Variants in DMD observed in about 807,000 individuals in gnomAD.
DMD encodes the protein dystrophin.
DMD carries 63 observed loss-of-function variants against 330.1 expected under a neutral mutation model. That is an observed-to-expected ratio of 0.19 (90% confidence interval 0.16 to 0.24). The LOEUF is 0.24. DMD is among the 10% of genes least tolerant of loss of function. The probability of loss-of-function intolerance (pLI) is 1.00; values close to 1 mark genes in which losing one functional copy is unlikely to be tolerated. For missense variants in DMD, 3,344 were observed against 2,684.1 expected, an observed-to-expected ratio of 1.25 and a Z score of -5.43; for synonymous variants, 1,223 against 959.8, an observed-to-expected ratio of 1.27 and a Z score of -5.07.
intron 1 of DMD, among the ~76,000 whole-genome samples, chrX:33,105,316 A>G (rs1216476248): frequency 1.8e-5 from 2 of 111,824 alleles, no homozygotes; most frequent in Non-Finnish European, 3.8e-5. Flanking sequence ...ACCTGAAACC[A>G]TAAAACTCCT....
chrX:31,635,778 C>A (rs1417303280), intron 54 of DMD, among the ~76,000 whole-genome samples: 1 of 110,994 alleles, frequency 9.0e-6, no homozygotes, highest in Admixed American at 9.7e-5. Flanking sequence ...TTGAAAGGGC[C>A]CTTTTAGCAA....
chrX:32,621,614 C>G (rs554270078), intron 11 of DMD, among the ~76,000 whole-genome samples: 2 of 110,153 alleles, frequency 1.8e-5, no homozygotes, highest in Non-Finnish European at 3.8e-5. Context: ...CGCGAGTCCC[C>G]GAACCCAGCC....
intron 46 of DMD, 142 bp from the exon 47 acceptor site, chrX:31,929,887 T>C: frequency 1.5e-6 from 1 of 665,150 alleles, no homozygotes; most frequent in Admixed American, 2.6e-5. Flanking sequence ...AACAGTTTTC[T>C]ATCTGAGCAC....
chrX:32,518,188 A>G, intron 17 of DMD, 57 bp from the exon 18 acceptor site: 1 of 1,094,661 alleles, frequency 9.1e-7, no homozygotes, highest in East Asian at 3.1e-5. Flanking sequence ...CTTCTATATT[A>G]AAAAAAGCAA....
Position 32,969,750 on chromosome X carries a change from A to G in DMD, c.93+50389T>C, listed in dbSNP as rs188211002. Among the ~76,000 whole-genome samples the G allele has an allele frequency of 7.4e-5, 7 of 94,635 alleles. 1 individual carries two copies. The highest frequency in any genetic ancestry group is 2.4e-4 in the African/African-American group (5 of 20,995). The allele number at this position is 94,635 out of a possible 115,157, so 82.2% of individuals were successfully genotyped here. A position where few individuals can be genotyped will look rare whatever the true frequency, so the allele number is the denominator to read the frequency against. On this transcript the variant is annotated intron_variant, in intron 2 of 78. Coordinates refer to ENST00000357033, the MANE Select transcript of DMD (RefSeq NM_004006.3). ...TACTTTTGTGCAATTAATACTACAT[A>G]ACGATCACATTTCAACATCTGTTTA...
At chrX:32,112,261 A>G (rs2096592450) in intron 44 of DMD, among the ~76,000 whole-genome samples, 1 of 112,031 alleles carries the variant, frequency 8.9e-6, no homozygotes, top group Non-Finnish European at 1.9e-5. Context: ...TGATAAAAAT[A>G]CAGGCTGCTC....
At chrX:31,608,280 AAT>A (rs1366001899) in intron 55 of DMD, among the ~76,000 whole-genome samples, 1 of 111,910 alleles carries the variant, frequency 8.9e-6, no homozygotes. Flanking sequence ...GTGGGTAGCT[AAT>A]ATGTTTTCCA....
intron 22 of DMD, among the ~76,000 whole-genome samples, chrX:32,471,429 T>C (rs2040619832): frequency 8.9e-6 from 1 of 112,056 alleles, no homozygotes; most frequent in Non-Finnish European, 1.9e-5. Context: ...AAAATTAATG[T>C]TTAAATTTAA....
intron 43 of DMD, among the ~76,000 whole-genome samples, chrX:32,268,726 C>T: frequency 8.9e-6 from 1 of 111,854 alleles, no homozygotes; most frequent in African/African-American, 3.2e-5. Context: ...GCTAGTTTGA[C>T]ACTCTACATA....
At chrX:31,421,906 CACACACACAT>C (rs1256042564) in intron 60 of DMD, among the ~76,000 whole-genome samples, 1 of 63,028 alleles carries the variant, frequency 1.6e-5, no homozygotes, top group Admixed American at 1.7e-4. Flanking sequence ...TATATACACA[CACACACACAT>C]ATATATATAT....
intron 30 of DMD, among the ~76,000 whole-genome samples, chrX:32,394,929 A>AAAAAACAAACAAAC (rs1569560914): frequency 7.6e-5 from 7 of 92,617 alleles, no homozygotes; most frequent in Admixed American, 3.9e-4. Flanking sequence ...AAAAAAAAAA[A>AAAAAACAAACAAAC]AAAAGAAAAG....
chrX:32,739,463 T>C (rs1051808418), intron 7 of DMD, among the ~76,000 whole-genome samples: 2 of 111,956 alleles, frequency 1.8e-5, no homozygotes, highest in African/African-American at 6.5e-5. Context: ...ACAAAGCATG[T>C]GATCACTTTG....
chrX:31,247,080 T>C (rs965266605), intron 63 of DMD, among the ~76,000 whole-genome samples: 6 of 112,005 alleles, frequency 5.4e-5, no homozygotes, highest in Non-Finnish European at 1.1e-4. Context: ...ATAGGTTTCC[T>C]TTCAAAATAT....
At chrX:33,296,171 C>G (rs984964363) in intron 1 of DMD, among the ~76,000 whole-genome samples, 1 of 111,116 alleles carries the variant, frequency 9.0e-6, no homozygotes, top group Non-Finnish European at 1.9e-5. Context: ...CCTAGTAATG[C>G]TTTCTCTTGT....
At chrX:31,875,163 A>C in intron 48 of DMD, 25 bp downstream of exon 48, 1 of 1,178,865 alleles carries the variant, frequency 8.5e-7, no homozygotes, top group Non-Finnish European at 1.1e-6. Flanking sequence ...AAAGACAAAA[A>C]TATTTAAAGC....
chrX:33,048,694 T>TTAAA (rs1557232463), intron 1 of DMD, among the ~76,000 whole-genome samples: 8 of 35,623 alleles, frequency 2.2e-4, no homozygotes, highest in African/African-American at 1.0e-3. Context: ...ACTCCCCATC[T>TTAAA]AAAAAAAAAA....
chrX:33,183,802 G>GA (rs11299041), intron 1 of DMD, among the ~76,000 whole-genome samples: 7 of 105,956 alleles, frequency 6.6e-5, no homozygotes, highest in African/African-American at 2.1e-4. Flanking sequence ...ACTCAACAAG[G>GA]AAAAAAAAAA....
chrX:33,078,672 G>A (rs186193488), intron 1 of DMD, among the ~76,000 whole-genome samples: 6,529 of 111,500 alleles, frequency 0.059, 457 homozygotes, highest in African/African-American at 0.2. Context: ...TATTATATCC[G>A]ATTATAAACT....
chrX:32,360,799 A>AC (rs1407067536), intron 37 of DMD, among the ~76,000 whole-genome samples: 74 of 79,283 alleles, frequency 9.3e-4, no homozygotes, highest in Admixed American at 1.3e-3. Context: ...ACACACACAC[A>AC]AAATAATAAT....
Sources: gnomAD v4.1 joint callset for allele counts (sites outside exome capture counted in the v4.1 genomes callset) on GRCh38, gnomAD v4.1.1 for gene constraint, MANE v1.5 for transcripts, NCBI Gene and HGNC (gene_info 2026-07-23, HGNC 2026-07-21) for gene names.